ITGA9: variants seen among roughly 807,000 people sequenced by gnomAD.
ITGA9 encodes the protein integrin alpha-9.
ITGA9 carries 56 observed loss-of-function variants against 127.8 expected under a neutral mutation model. The ratio of observed to expected loss-of-function variants is 0.44; its 90% CI spans 0.35 to 0.55. ITGA9 has a LOEUF of 0.55. ITGA9 is among the 20% of genes least tolerant of loss of function. The pLI is 0.00. For synonymous variants in ITGA9, 508 were observed against 514.5 expected (o/e 0.99, Z 0.17); for missense variants, 1,196 against 1,347.1 (o/e 0.89, Z 1.76).
chr3:37,800,402 T>C (rs1697223610), intron 26 of ITGA9, among the ~76,000 whole-genome samples: 1 of 152,228 alleles, frequency 6.6e-6, no homozygotes, highest in East Asian at 1.9e-4. Context: ...AAGAGAAAGT[T>C]GGTTGCCTAC....
chr3:37,621,907 C>T (rs1700132436), intron 15 of ITGA9, among the ~76,000 whole-genome samples: 1 of 152,136 alleles, frequency 6.6e-6, no homozygotes, highest in Admixed American at 6.5e-5. Flanking sequence ...TTATTTCCTG[C>T]TCTCATGACA....
At chr3:37,633,707 T>G (rs1575174805) in intron 16 of ITGA9, among the ~76,000 whole-genome samples, 1 of 152,322 alleles carries the variant, frequency 6.6e-6, no homozygotes, top group Non-Finnish European at 1.5e-5. Context: ...TAGAAGCCAC[T>G]GCGGTATTAA....
At chr3:37,460,299 A>C (rs1478472327) in intron 1 of ITGA9, among the ~76,000 whole-genome samples, 1 of 152,252 alleles carries the variant, frequency 6.6e-6, no homozygotes, top group Non-Finnish European at 1.5e-5. Context: ...ATCCTCAAAT[A>C]TTTGAACACT....
chr3:37,755,692 AG>A lies in ITGA9; in HGVS notation c.2541+5124del, dbSNP rs1394582457. ...AGAATGTATTGCAGAAGAACAAAAA[AG>A]CCAGTTAAACTTATTCCTTTTTTTA... On this transcript the variant is annotated intron_variant, in intron 23 of 27. Coordinates refer to ENST00000264741, the MANE Select transcript of ITGA9 (RefSeq NM_002207.3). Among the ~76,000 whole-genome samples the A allele has an allele frequency of 3.9e-5, 6 of 152,340 alleles. No homozygotes were observed. In the East Asian group the frequency reaches 1.2e-3, roughly 29 times the overall value.
At chr3:37,761,804 C>CA (rs1696726260) in intron 23 of ITGA9, among the ~76,000 whole-genome samples, 1 of 152,162 alleles carries the variant, frequency 6.6e-6, no homozygotes, top group Non-Finnish European at 1.5e-5. Context: ...CAGCTGAAGA[C>CA]AGCCAGAATC....
intron 23 of ITGA9, among the ~76,000 whole-genome samples, chr3:37,776,028 G>T (rs1301098071): frequency 6.6e-6 from 1 of 152,182 alleles, no homozygotes; most frequent in East Asian, 1.9e-4. Flanking sequence ...CATGCCCTTT[G>T]CAGGAACATG....
intron 15 of ITGA9, among the ~76,000 whole-genome samples, chr3:37,621,248 G>T (rs918806684): frequency 6.6e-6 from 1 of 152,194 alleles, no homozygotes; most frequent in South Asian, 2.1e-4. Context: ...CCAGCCATAT[G>T]GAACTGTGAG....
chr3:37,671,882 A>G (rs1411910085), intron 17 of ITGA9, among the ~76,000 whole-genome samples: 1 of 152,256 alleles, frequency 6.6e-6, no homozygotes, highest in Non-Finnish European at 1.5e-5. Context: ...ACATGTATAC[A>G]TACATATAGA....
chr3:37,729,700 C>CTTTTTTT (rs34875348), intron 18 of ITGA9, among the ~76,000 whole-genome samples: 2 of 84,120 alleles, frequency 2.4e-5, no homozygotes, highest in Non-Finnish European at 4.6e-5. Flanking sequence ...TTTTTGATTT[C>CTTTTTTT]TTTTTTTTTT....
chr3:37,750,652 C>A, intron 23 of ITGA9, 83 bp downstream of exon 23: 2 of 964,380 alleles, frequency 2.1e-6, no homozygotes, highest in Admixed American at 1.7e-5. Flanking sequence ...ACCCTGACAT[C>A]CACCTTGAGG....
In ITGA9 at chr3:37,819,839, C is replaced by T. The variant is rs954394624; in HGVS notation, c.*850C>T. 2 of 152,204 alleles carry T rather than the reference C, an allele frequency of 1.3e-5. No homozygotes were observed. The highest frequency in any genetic ancestry group is 2.9e-5 in the Non-Finnish European group (2 of 68,062). 9.4% of individuals were successfully genotyped at this position (152,204 alleles called of 1,614,324 possible). Reference sequence around the variant, plus strand: ...CATCTGGTAAACCTCAGAATGGCGTCTCATCCTGGACATCCTGCATCAGAG... The same window carrying T: ...CATCTGGTAAACCTCAGAATGGCGTTTCATCCTGGACATCCTGCATCAGAG... On this transcript the variant is annotated 3_prime_UTR_variant, in exon 28 of 28. Transcript: ENST00000264741.
At chr3:37,788,763 C>T (rs1417351326) in intron 26 of ITGA9, among the ~76,000 whole-genome samples, 3 of 151,964 alleles carry the variant, frequency 2.0e-5, no homozygotes, top group African/African-American at 4.8e-5. Flanking sequence ...CATTAACATC[C>T]GAAACTGTAT....
rs1697487856 is a variant in ITGA9, at chr3:37,819,672, C to A, written c.*683C>A. The A allele has an allele frequency of 6.6e-6, 1 of 152,376 alleles. No individual in the cohort carries two copies. The allele number at this position is 152,376 out of a possible 1,614,324, so 9.4% of individuals were successfully genotyped here. A position where few individuals can be genotyped will look rare whatever the true frequency, so the allele number is the denominator to read the frequency against. ...TAAGTGTTTTTTCATATGTACTTTT[C>A]ATTGGAAGATTCCCAACAAGAATTT... On this transcript the variant is annotated 3_prime_UTR_variant, in exon 28 of 28. Coordinates refer to ENST00000264741, the MANE Select transcript of ITGA9 (RefSeq NM_002207.3).
At chr3:37,480,783 C>T (rs1047960462) in intron 3 of ITGA9, among the ~76,000 whole-genome samples, 4 of 152,178 alleles carry the variant, frequency 2.6e-5, no homozygotes, top group Admixed American at 6.5e-5. Flanking sequence ...AAGCCACCCC[C>T]GTCGCCCATC....
chr3:37,723,913 C>T (rs1198952884), intron 18 of ITGA9, among the ~76,000 whole-genome samples: 1 of 152,220 alleles, frequency 6.6e-6, no homozygotes, highest in Admixed American at 6.5e-5. Context: ...GCCTCCAAGA[C>T]AGGAATTCTC....
At chr3:37,788,432 T>C (rs1559599061) in intron 26 of ITGA9, among the ~76,000 whole-genome samples, 1 of 152,292 alleles carries the variant, frequency 6.6e-6, no homozygotes, top group South Asian at 2.1e-4. Context: ...ATAATTCGTA[T>C]TTGCTTGGTC....
chr3:37,801,707 A>T (rs1204278485), intron 26 of ITGA9, among the ~76,000 whole-genome samples: 1 of 152,196 alleles, frequency 6.6e-6, no homozygotes, highest in Non-Finnish European at 1.5e-5. Context: ...AATGATGCTA[A>T]CAGGAACACT....
At chr3:37,525,081 C>T (rs1006091182) in intron 12 of ITGA9, among the ~76,000 whole-genome samples, 4 of 152,196 alleles carry the variant, frequency 2.6e-5, no homozygotes, top group Non-Finnish European at 4.4e-5. Context: ...CTCTTGGACT[C>T]AGATACTTGG....
intron 15 of ITGA9, among the ~76,000 whole-genome samples, chr3:37,603,100 T>A (rs1699937160): frequency 6.6e-6 from 1 of 152,206 alleles, no homozygotes; most frequent in Non-Finnish European, 1.5e-5. Flanking sequence ...CTTTATTACT[T>A]CATGGAGAAT....
Sources: allele counts gnomAD v4.1 joint callset (sites outside exome capture counted in the v4.1 genomes callset), GRCh38; gene constraint gnomAD v4.1.1; transcripts MANE v1.5; gene names NCBI Gene and HGNC (gene_info 2026-07-23, HGNC 2026-07-21).